The following MYO5A variants were observed in gnomAD, a reference collection of about 807,000 sequenced individuals.
The protein encoded by MYO5A is unconventional myosin-Va.
A neutral mutation model predicts 249.7 loss-of-function variants in MYO5A; 98 were observed. The observed-to-expected ratio is 0.39, with a 90% CI of 0.33 to 0.46. The LOEUF (loss-of-function observed/expected upper bound fraction) is 0.46. Ranked by LOEUF, MYO5A falls within the 20% of genes least tolerant of loss-of-function variation. MYO5A has a pLI of 0.98. For synonymous variants in MYO5A, 778 were observed against 810.6 expected (o/e 0.96, Z 0.68); for missense variants, 1,696 against 2,308.8 (o/e 0.73, Z 5.44).
intron 36 of MYO5A, among the ~76,000 whole-genome samples, chr15:52,326,782 C>T (rs2038630631): frequency 6.6e-6 from 1 of 152,158 alleles, no homozygotes; most frequent in African/African-American, 2.4e-5. Context: ...AGTCCACTGG[C>T]ATGTTGACTA....
At chr15:52,393,315 C>T (rs935849161) in intron 11 of MYO5A, among the ~76,000 whole-genome samples, 1 of 152,176 alleles carries the variant, frequency 6.6e-6, no homozygotes, top group Non-Finnish European at 1.5e-5. Flanking sequence ...GCATACTCTC[C>T]TCATGTGTCT....
At chr15:52,448,002 TGG>T (rs1434395542) in intron 1 of MYO5A, among the ~76,000 whole-genome samples, 1 of 152,156 alleles carries the variant, frequency 6.6e-6, no homozygotes, top group Non-Finnish European at 1.5e-5. Flanking sequence ...GAGGGAAATG[TGG>T]GGTTGGGGCA....
chr15:52,392,894 C>G (rs148035817), intron 11 of MYO5A, among the ~76,000 whole-genome samples: 1 of 152,180 alleles, frequency 6.6e-6, no homozygotes, highest in Non-Finnish European at 1.5e-5. Flanking sequence ...AGGAAAATAA[C>G]GTGAACTATA....
intron 14 of MYO5A, among the ~76,000 whole-genome samples, chr15:52,386,941 A>T (rs2041998001): frequency 1.3e-5 from 2 of 152,258 alleles, no homozygotes; most frequent in African/African-American, 4.8e-5. Flanking sequence ...TTATTCTAAA[A>T]ACAACAGTCA....
intron 1 of MYO5A, among the ~76,000 whole-genome samples, chr15:52,459,218 T>A (rs996590557): frequency 2.9e-5 from 4 of 138,540 alleles, no homozygotes; most frequent in Admixed American, 1.7e-4. Flanking sequence ...AGAGGGGGAT[T>A]TGGCAGGGTC....
At chr15:52,320,348 G>A (rs538652186) in intron 38 of MYO5A, among the ~76,000 whole-genome samples, 1 of 152,324 alleles carries the variant, frequency 6.6e-6, no homozygotes, top group South Asian at 2.1e-4. Flanking sequence ...CGGCATGTTT[G>A]TTGTTGCTGT....
chr15:52,360,062 T>G lies in MYO5A; in HGVS notation c.3329A>C (p.His1110Pro). 2 of 1,613,362 alleles carry G rather than the reference T, an allele frequency of 1.2e-6. No homozygotes were observed. Among genetic ancestry groups the G allele is most frequent in the Non-Finnish European group, 1.7e-6 (2 of 1,179,470 alleles). ...TLMVHVPKPG[H>P]KRTDSTHSSN... ...GCTGTGGGTGGAGTCTGTTCTCTTG[T>G]GTCCAGGCTTAGGCACATGCTGCAA... is the stretch of plus-strand genomic sequence containing the variant. Residue 1110 changes from histidine to proline, a missense_variant, in exon 25 of 42, where the codon CAC becomes CCC. Transcript: ENST00000399233.
At chr15:52,459,890 C>T (rs1026499178) in intron 1 of MYO5A, among the ~76,000 whole-genome samples, 7 of 150,998 alleles carry the variant, frequency 4.6e-5, no homozygotes, top group Admixed American at 1.3e-4. Flanking sequence ...ACTTCCCAGA[C>T]GGGGCGGTTG....
intron 8 of MYO5A, among the ~76,000 whole-genome samples, chr15:52,406,398 G>A (rs2043004890): frequency 6.6e-6 from 1 of 152,080 alleles, no homozygotes; most frequent in East Asian, 1.9e-4. Flanking sequence ...AACAGATTTA[G>A]CACGAGAAGA....
intron 34 of MYO5A, among the ~76,000 whole-genome samples, chr15:52,334,478 G>C (rs2039027301): frequency 6.6e-6 from 1 of 152,028 alleles, no homozygotes. Flanking sequence ...TGATGTGGAG[G>C]CTCAAATTTT....
chr15:52,320,339 G>A (rs777558604), intron 38 of MYO5A, among the ~76,000 whole-genome samples: 1 of 152,192 alleles, frequency 6.6e-6, no homozygotes, highest in Non-Finnish European at 1.5e-5. Flanking sequence ...CCCTAGAACC[G>A]GCATGTTTGT....
At chr15:52,483,812 G>A in intron 1 of MYO5A, among the ~76,000 whole-genome samples, 1 of 152,194 alleles carries the variant, frequency 6.6e-6, no homozygotes, top group Admixed American at 6.5e-5. Context: ...TGTGGTTCCT[G>A]AACTTCTATT....
rs752412990 is a variant in MYO5A at position 52,364,616 on chromosome 15, T to A, written c.3247A>T (p.Asn1083Tyr). 6.2e-7 allele frequency: 1 copy of A among 1,614,064 alleles called. No homozygotes were observed. The highest frequency in any genetic ancestry group is 8.5e-7 in the Non-Finnish European group (1 of 1,179,964). Residue 1083 changes from asparagine to tyrosine, a missense_variant, in exon 24 of 42, where the codon AAT becomes TAT. Physicochemically the swap from Asn to Tyr is moderately radical, Grantham distance 143. This residue lies in a region of MYO5A where 412 missense variants were observed against 453.3 expected (regional missense o/e 0.91). Transcript: ENST00000399233. ...CTTTCTTCCAGGCGACTGAACTCAT[T>A]CAGAAGGTTCTGATATCTCAGCCTT... ...DERLRYQNLL[N>Y]EFSRLEERYD... is the part of the protein sequence containing the mutation.
At chr15:52,524,885 A>T (rs897811384) in intron 1 of MYO5A, among the ~76,000 whole-genome samples, 9 of 134,212 alleles carry the variant, frequency 6.7e-5, no homozygotes, top group South Asian at 2.5e-4. Flanking sequence ...ATAAAAAATT[A>T]AAAAAAAAAA....
Position 52,430,402 on chromosome 15 carries a change from A to T in MYO5A, c.139-1833T>A, listed in dbSNP as rs186063127. ...GACACTAATTTGAAAGGTAGAGAAG[A>T]TCTGTAACATCTTCACAGAAATTTC... is the stretch of plus-strand genomic sequence containing the variant. On this transcript the variant is annotated intron_variant, in intron 2 of 41. Transcript: ENST00000399233. Among the ~76,000 whole-genome samples the T allele has an allele frequency of 2.8e-3, 423 of 152,308 alleles. 1 individual carries two copies. The highest frequency in any genetic ancestry group is 4.8e-3 in the Non-Finnish European group (327 of 68,016).
chr15:52,311,425 C>T lies in MYO5A; in HGVS notation c.*2271G>A, dbSNP rs897376568. On this transcript the variant is annotated 3_prime_UTR_variant, in exon 42 of 42. Coordinates refer to ENST00000399233, the MANE Select transcript of MYO5A (RefSeq NM_001382347.1). The stretch of plus-strand genomic sequence containing the variant: ...TATGACTTAATTGTGCATTGAAAAC[C>T]GCATTGACAACCAGGAAAAACTGGG... 6.6e-5 allele frequency: 10 copies of T among 152,132 alleles called. No individual in the cohort carries two copies. The highest frequency in any genetic ancestry group is 1.9e-4 in the East Asian group (1 of 5,198). The allele number at this position is 152,132 out of a possible 1,614,324, so 9.4% of individuals were successfully genotyped here. A position where few individuals can be genotyped will look rare whatever the true frequency, so the allele number is the denominator to read the frequency against.
intron 11 of MYO5A, among the ~76,000 whole-genome samples, chr15:52,396,056 C>T (rs747079531): frequency 6.6e-6 from 1 of 152,190 alleles, no homozygotes; most frequent in Non-Finnish European, 1.5e-5. Flanking sequence ...CAAGCAATTA[C>T]CTAACACACT....
At chr15:52,341,114 A>T (rs547493822) in intron 31 of MYO5A, among the ~76,000 whole-genome samples, 69 of 152,372 alleles carry the variant, frequency 4.5e-4, no homozygotes, top group African/African-American at 1.5e-3. Flanking sequence ...ATAAAGGCCA[A>T]CATTATAAAC....
intron 1 of MYO5A, among the ~76,000 whole-genome samples, chr15:52,521,679 G>A (rs753615786): frequency 2.0e-5 from 3 of 152,172 alleles, no homozygotes; most frequent in Non-Finnish European, 4.4e-5. Flanking sequence ...TTCTACAATT[G>A]GCAAAAAGCC....
Sources: allele counts gnomAD v4.1 joint callset (sites outside exome capture counted in the v4.1 genomes callset), GRCh38; gene constraint gnomAD v4.1.1; regional missense constraint gnomAD v4.1.1; transcripts MANE v1.5; gene names NCBI Gene and HGNC (gene_info 2026-07-23, HGNC 2026-07-21).